The following IQCJ variants were observed in gnomAD, a reference collection of about 807,000 sequenced individuals.
The protein encoded by IQCJ is IQ motif containing J, also known as IQ domain-containing protein J.
IQCJ carries 9 observed loss-of-function variants against 11.0 expected under a neutral mutation model. The ratio of observed to expected loss-of-function variants is 0.82; its 90% CI spans 0.49 to 1.43. The LOEUF (loss-of-function observed/expected upper bound fraction) is 1.43, where lower values mean the gene tolerates loss of function less well. Among genes scored for constraint, IQCJ ranks in the 40% most tolerant of loss-of-function variants. IQCJ has a pLI of 0.00. For synonymous variants in IQCJ, 55 were observed against 51.3 expected (o/e 1.07, Z -0.31); for missense variants, 146 against 133.2 (o/e 1.10, Z -0.47).
chr3:159,073,035 A>G (rs970668893), intron 1 of IQCJ, among the ~76,000 whole-genome samples: 2 of 152,064 alleles, frequency 1.3e-5, no homozygotes, highest in African/African-American at 4.8e-5. Flanking sequence ...TGGGGAAGGA[A>G]GCAAAATTGG....
intron 1 of IQCJ, among the ~76,000 whole-genome samples, chr3:159,101,437 G>T (rs566482960): frequency 6.6e-6 from 1 of 152,158 alleles, no homozygotes; most frequent in South Asian, 2.1e-4. Context: ...GGAGCCTGGC[G>T]TACCTGAGGT....
intron 1 of IQCJ, among the ~76,000 whole-genome samples, chr3:159,232,831 C>A (rs1726343624): frequency 6.6e-6 from 1 of 152,004 alleles, no homozygotes; most frequent in Non-Finnish European, 1.5e-5. Flanking sequence ...TAAAGTCTCC[C>A]ACTATTGTTG....
intron 1 of IQCJ, among the ~76,000 whole-genome samples, chr3:159,137,985 A>G (rs1186431251): frequency 1.3e-5 from 2 of 152,068 alleles, no homozygotes; most frequent in African/African-American, 4.8e-5. Flanking sequence ...ATGCTTACAG[A>G]TTACTTGGAA....
chr3:159,132,008 G>A (rs1720019023), intron 1 of IQCJ, among the ~76,000 whole-genome samples: 1 of 151,984 alleles, frequency 6.6e-6, no homozygotes, highest in Non-Finnish European at 1.5e-5. Flanking sequence ...AGATTATGCT[G>A]CCATGAATTT....
chr3:159,201,419 A>G (rs78395066), intron 1 of IQCJ, among the ~76,000 whole-genome samples: 3 of 152,258 alleles, frequency 2.0e-5, no homozygotes, highest in East Asian at 1.9e-4. Context: ...TGCGACTTAG[A>G]AAAAACATTA....
chr3:159,200,614 C>G (rs987885354), intron 1 of IQCJ, among the ~76,000 whole-genome samples: 1 of 152,152 alleles, frequency 6.6e-6, no homozygotes, highest in Non-Finnish European at 1.5e-5. Context: ...AGGGTGTGAG[C>G]ACTAAGTAAT....
intron 1 of IQCJ, among the ~76,000 whole-genome samples, chr3:159,094,607 C>T (rs763460499): frequency 2.0e-5 from 3 of 151,462 alleles, no homozygotes; most frequent in Non-Finnish European, 4.4e-5. Flanking sequence ...ATGGAGAGAG[C>T]CAATGTGTCA....
At chr3:159,210,871 C>T (rs1369482389) in intron 1 of IQCJ, among the ~76,000 whole-genome samples, 2 of 152,132 alleles carry the variant, frequency 1.3e-5, no homozygotes, top group Non-Finnish European at 2.9e-5. Context: ...GGGATATCTC[C>T]ATGTTGGTCA....
rs532946578 is a variant in IQCJ, at chr3:159,173,604, TTAGAG to T, written c.10-72233_10-72229del. ...CATTATTTCCACCCTTTCTAATTAA[TTAGAG>T]TAGAGAATTCTAGATTTTCCCTTCA... On this transcript the variant is annotated intron_variant, in intron 1 of 3. Coordinates refer to ENST00000397832, the MANE Select transcript of IQCJ (RefSeq NM_001042706.3). Among the ~76,000 whole-genome samples, 70 of 152,278 alleles carry T rather than the reference TTAGAG, an allele frequency of 4.6e-4. 1 individual carries two copies. The South Asian group carries it at 0.013, about 29-fold the overall frequency.
At chr3:159,164,947 T>C (rs1722081216) in intron 1 of IQCJ, among the ~76,000 whole-genome samples, 1 of 152,258 alleles carries the variant, frequency 6.6e-6, no homozygotes, top group South Asian at 2.1e-4. Flanking sequence ...TGGTCTAATG[T>C]GGCTGCTAGA....
chr3:159,199,810 A>G (rs1724208587), intron 1 of IQCJ, among the ~76,000 whole-genome samples: 1 of 151,968 alleles, frequency 6.6e-6, no homozygotes, highest in African/African-American at 2.4e-5. Context: ...TCTTCAAAGT[A>G]GTCCAGTTAC....
rs770482129 is a variant in IQCJ at position 159,069,428 on chromosome 3, T to A, written c.-5T>A. On this transcript the variant is annotated 5_prime_UTR_variant, in exon 1 of 4. Transcript: ENST00000397832. ...TTCACCTGCAGGTGTTCCAGAAACT[T>A]CAAAATGCGTCTGGTAATGTATTTG... 5 of 1,610,092 alleles carry A rather than the reference T, an allele frequency of 3.1e-6. No individual in the cohort carries two copies. The highest frequency in any genetic ancestry group is 2.5e-6 in the Non-Finnish European group (3 of 1,178,210).
At chr3:159,154,296 T>G (rs925643398) in intron 1 of IQCJ, among the ~76,000 whole-genome samples, 4 of 152,162 alleles carry the variant, frequency 2.6e-5, no homozygotes, top group African/African-American at 9.7e-5. Flanking sequence ...ACCGTAGGCA[T>G]GGACACAGAA....
chr3:159,076,484 C>A (rs925471781), intron 1 of IQCJ, among the ~76,000 whole-genome samples: 3 of 152,054 alleles, frequency 2.0e-5, no homozygotes, highest in Non-Finnish European at 4.4e-5. Context: ...TTATATGTCT[C>A]ATTCTGAAGT....
At chr3:159,159,665 T>C (rs753167068) in intron 1 of IQCJ, among the ~76,000 whole-genome samples, 1 of 152,222 alleles carries the variant, frequency 6.6e-6, no homozygotes, top group Non-Finnish European at 1.5e-5. Flanking sequence ...TTGTATGTTT[T>C]GTTCCCTCCA....
chr3:159,239,790 A>G (rs1726806605), intron 1 of IQCJ, among the ~76,000 whole-genome samples: 3 of 152,162 alleles, frequency 2.0e-5, no homozygotes, highest in African/African-American at 7.2e-5. Flanking sequence ...CTAGATTTGG[A>G]TATGTTTAGA....
rs1384625780 is a variant in IQCJ, at chr3:159,069,844, TGTGTG to T, written c.9+404_9+408del. The T allele has an allele frequency of 1.2e-4, 3 of 26,028 alleles. No homozygotes were observed. The East Asian group carries it at 2.7e-3, about 23-fold the overall frequency. 1.6% of individuals were successfully genotyped at this position (26,028 alleles called of 1,614,324 possible). A position where few individuals can be genotyped will look rare whatever the true frequency, so the allele number is the denominator to read the frequency against. On this transcript the variant is annotated intron_variant, in intron 1 of 3. Transcript: ENST00000397832. Reference sequence around the variant, plus strand: ...ACTTATTTAAAAAGCCCTCCTTTCTTGTGTGTGTGTGTGTGTGTGTGTGTGTGTGT... The same window carrying T: ...ACTTATTTAAAAAGCCCTCCTTTCTTTGTGTGTGTGTGTGTGTGTGTGTGT...
At chr3:159,070,018 G>T in intron 1 of IQCJ, 1 of 203,766 alleles carries the variant, frequency 4.9e-6, no homozygotes, top group Non-Finnish European at 1.0e-5. Flanking sequence ...GAAGAGATGT[G>T]GTTCTGCTTT....
At chr3:159,108,006 CAAAAAAAAAAAA>C (rs367862873) in intron 1 of IQCJ, among the ~76,000 whole-genome samples, 3 of 100,944 alleles carry the variant, frequency 3.0e-5, no homozygotes, top group Non-Finnish European at 5.5e-5. Context: ...TATGGTTTTC[CAAAAAAAAAAAA>C]AAAAAAAGAA....
Sources: allele counts gnomAD v4.1 joint callset (sites outside exome capture counted in the v4.1 genomes callset), GRCh38; gene constraint gnomAD v4.1.1; transcripts MANE v1.5; gene names NCBI Gene and HGNC (gene_info 2026-07-23, HGNC 2026-07-21).